Variants in PLCB1 observed in about 807,000 individuals in gnomAD.
PLCB1 encodes the protein phospholipase C beta 1.
Under a neutral mutation model 161.8 loss-of-function variants are expected in PLCB1, and 46 were observed. That is an observed-to-expected ratio of 0.28 (90% CI 0.22 to 0.36). The LOEUF (loss-of-function observed/expected upper bound fraction) is 0.36, where lower values mean the gene tolerates loss of function less well. PLCB1 is among the 10% of genes least tolerant of loss of function. The probability of loss-of-function intolerance (pLI) is 1.00; values close to 1 mark genes in which losing one functional copy is unlikely to be tolerated. For missense variants in PLCB1, 1,016 were observed against 1,472.5 expected, an observed-to-expected ratio of 0.69 and a Z score of 5.07; for synonymous variants, 517 against 503.7, an observed-to-expected ratio of 1.03 and a Z score of -0.35.
At chr20:8,385,432 A>G (rs1987396078) in intron 3 of PLCB1, among the ~76,000 whole-genome samples, 1 of 152,082 alleles carries the variant, frequency 6.6e-6, no homozygotes, top group African/African-American at 2.4e-5. Flanking sequence ...GTCCTTCCCC[A>G]CCCAGGGAGC....
chr20:8,229,918 T>C (rs1369495229), intron 2 of PLCB1, among the ~76,000 whole-genome samples: 1 of 148,372 alleles, frequency 6.7e-6, no homozygotes, highest in Non-Finnish European at 1.5e-5. Flanking sequence ...TAGCCAGATA[T>C]GGGGACACAC....
chr20:8,709,697 A>C (rs1003691961), intron 12 of PLCB1, among the ~76,000 whole-genome samples: 1 of 152,220 alleles, frequency 6.6e-6, no homozygotes, highest in African/African-American at 2.4e-5. Flanking sequence ...AGAATTTCTA[A>C]GTAGTTAAAT....
At chr20:8,848,636 G>C (rs998415557) in intron 31 of PLCB1, among the ~76,000 whole-genome samples, 1 of 152,232 alleles carries the variant, frequency 6.6e-6, no homozygotes, top group Non-Finnish European at 1.5e-5. Flanking sequence ...TCCATGTGCA[G>C]GAGTCATAGT....
At chr20:8,774,743 T>C in intron 27 of PLCB1, 24 bp downstream of exon 27, 1 of 1,566,508 alleles carries the variant, frequency 6.4e-7, no homozygotes, top group Non-Finnish European at 8.7e-7. Context: ...ACATGATTTA[T>C]GTTTGTGCAA....
chr20:8,134,064 A>C (rs2051318995), intron 1 of PLCB1, among the ~76,000 whole-genome samples: 1 of 152,228 alleles, frequency 6.6e-6, no homozygotes, highest in African/African-American at 2.4e-5. Flanking sequence ...CCAATTATTA[A>C]ATGCTGTAGG....
chr20:8,618,912 G>A (rs963057041), intron 3 of PLCB1, among the ~76,000 whole-genome samples: 10 of 152,054 alleles, frequency 6.6e-5, no homozygotes, highest in African/African-American at 2.4e-4. Flanking sequence ...TAACCCATGT[G>A]TATCTAGAGT....
intron 9 of PLCB1, among the ~76,000 whole-genome samples, chr20:8,663,051 T>C (rs1308146981): frequency 6.6e-6 from 1 of 152,052 alleles, no homozygotes; most frequent in Non-Finnish European, 1.5e-5. Flanking sequence ...TAAATTGGTG[T>C]TGATCTCAGT....
chr20:8,660,473 A>G lies in PLCB1; in HGVS notation c.862+1769A>G, dbSNP rs147370141. On this transcript the variant is annotated intron_variant, in intron 9 of 31. Transcript: ENST00000338037. The stretch of plus-strand genomic sequence containing the variant: ...AAAGCTTTTCTGAAACCAGTGAAGC[A>G]CTCCAAAGTGTAAGCCTTTTCCTTT... 6.4e-3 allele frequency among the ~76,000 whole-genome samples: 967 copies of G among 152,276 alleles called. 10 individuals carry two copies. Among genetic ancestry groups the G allele is most frequent in the African/African-American group, 0.022 (923 of 41,556 alleles).
intron 9 of PLCB1, among the ~76,000 whole-genome samples, chr20:8,681,114 ATAT>A (rs1990208207): frequency 3.5e-5 from 4 of 112,982 alleles, no homozygotes; most frequent in African/African-American, 7.9e-5. Flanking sequence ...ATATATATAT[ATAT>A]ATAATATATA....
intron 23 of PLCB1, among the ~76,000 whole-genome samples, chr20:8,754,807 A>G (rs1472843906): frequency 6.6e-6 from 1 of 152,208 alleles, no homozygotes; most frequent in Non-Finnish European, 1.5e-5. Context: ...GATCACCTTA[A>G]TTAAAAGATT....
intron 2 of PLCB1, among the ~76,000 whole-genome samples, chr20:8,232,733 T>A (rs1033886401): frequency 1.3e-5 from 2 of 152,208 alleles, no homozygotes; most frequent in African/African-American, 2.4e-5. Flanking sequence ...TTTACACACC[T>A]AGCTCTAATT....
At chr20:8,733,633 C>T (rs1406974087) in intron 19 of PLCB1, among the ~76,000 whole-genome samples, 38 of 143,290 alleles carry the variant, frequency 2.7e-4, no homozygotes, top group African/African-American at 1.0e-3. Flanking sequence ...ACTCTGGGGA[C>T]TGTTGTGGGG....
At chr20:8,235,945 G>A (rs1398941088) in intron 2 of PLCB1, among the ~76,000 whole-genome samples, 2 of 152,022 alleles carry the variant, frequency 1.3e-5, no homozygotes, top group Admixed American at 6.6e-5. Flanking sequence ...ATCCAAAGTA[G>A]TTTTAAATAA....
intron 2 of PLCB1, among the ~76,000 whole-genome samples, chr20:8,255,273 T>C (rs1981355304): frequency 6.6e-6 from 1 of 151,912 alleles, no homozygotes; most frequent in African/African-American, 2.4e-5. Flanking sequence ...ATATCAGAGG[T>C]AGTAAGGATA....
At chr20:8,169,016 G>A (rs1489776963) in intron 2 of PLCB1, among the ~76,000 whole-genome samples, 1 of 152,112 alleles carries the variant, frequency 6.6e-6, no homozygotes, top group Non-Finnish European at 1.5e-5. Flanking sequence ...AGCATGAAAA[G>A]GGATCAGTCT....
chr20:8,750,745 C>T, intron 23 of PLCB1: 1 of 780,042 alleles, frequency 1.3e-6, no homozygotes. Context: ...AGAAGCTCCT[C>T]CTTAAGGGAA....
chr20:8,626,600 A>G (rs1005065012), intron 3 of PLCB1, among the ~76,000 whole-genome samples: 3 of 152,228 alleles, frequency 2.0e-5, no homozygotes, highest in African/African-American at 4.8e-5. Context: ...GGTCCAATGT[A>G]TAGATCTGAT....
chr20:8,612,086 C>T (rs924755649), intron 3 of PLCB1, among the ~76,000 whole-genome samples: 1 of 152,068 alleles, frequency 6.6e-6, no homozygotes, highest in Non-Finnish European at 1.5e-5. Flanking sequence ...GCATTTATCC[C>T]TTTGTCCTAA....
chr20:8,506,013 C>G (rs1471072073), intron 3 of PLCB1, among the ~76,000 whole-genome samples: 1 of 152,164 alleles, frequency 6.6e-6, no homozygotes, highest in Non-Finnish European at 1.5e-5. Flanking sequence ...TTCAGCCCTG[C>G]TGTATGGAGG....
Sources: allele counts gnomAD v4.1 joint callset (sites outside exome capture counted in the v4.1 genomes callset), GRCh38; gene constraint gnomAD v4.1.1; transcripts MANE v1.5; gene names NCBI Gene and HGNC (gene_info 2026-07-23, HGNC 2026-07-21).